The following SCAPER variants were observed in gnomAD, a reference collection of about 807,000 sequenced individuals.
SCAPER encodes the protein S-phase cyclin A associated protein in the ER.
SCAPER carries 98 observed loss-of-function variants against 182.2 expected under a neutral mutation model. The ratio of observed to expected loss-of-function variants is 0.54; its 90% CI spans 0.46 to 0.64. The LOEUF (loss-of-function observed/expected upper bound fraction) is 0.64. Ranked by LOEUF, SCAPER falls within the 30% of genes least tolerant of loss-of-function variation. SCAPER has a pLI of 0.00. For missense variants in SCAPER, 1,432 were observed against 1,690.0 expected (o/e 0.85, Z 2.68); for synonymous variants, 605 against 564.6 (o/e 1.07, Z -1.01).
At chr15:76,508,546 T>A (rs2041778888) in intron 23 of SCAPER, among the ~76,000 whole-genome samples, 1 of 152,218 alleles carries the variant, frequency 6.6e-6, no homozygotes, top group South Asian at 2.1e-4. Flanking sequence ...TTATTCCACA[T>A]TCTCACTCAA....
At position 76,702,013 on chromosome 15, in the gene SCAPER, T is replaced by C. The variant is rs2058979622; in HGVS notation, c.2401-148A>G. 2.1e-5 allele frequency: 11 copies of C among 514,068 alleles called. No homozygotes were observed. In the East Asian group the frequency reaches 3.6e-4, roughly 17 times the overall value. The allele number at this position is 514,068 out of a possible 1,614,324, so 31.8% of individuals were successfully genotyped here. ...AAAAATAGTTTCCTCAGAACATAATTCTGAGAATCCTCTAGAAGGCAAATG... is the reference window on the plus strand; with the variant it reads ...AAAAATAGTTTCCTCAGAACATAATCCTGAGAATCCTCTAGAAGGCAAATG... On this transcript the variant is annotated intron_variant, in intron 19 of 31. Coordinates refer to ENST00000563290, the MANE Select transcript of SCAPER (RefSeq NM_020843.4).
chr15:76,461,469 G>A (rs2049169865), intron 25 of SCAPER, among the ~76,000 whole-genome samples: 2 of 147,562 alleles, frequency 1.4e-5, no homozygotes, highest in East Asian at 2.0e-4. Context: ...TTATTACTTT[G>A]GTTTTTGCCT....
rs1293298101 is a variant in SCAPER, at chr15:76,348,166, T to C, written c.*467A>G. 1 of 152,736 alleles carries C rather than the reference T, an allele frequency of 6.5e-6. No individual in the cohort carries two copies. Among genetic ancestry groups the C allele is most frequent in the Non-Finnish European group, 1.5e-5 (1 of 68,382 alleles). The allele number at this position is 152,736 out of a possible 1,614,324, so 9.5% of individuals were successfully genotyped here. Reference sequence around the variant, plus strand: ...AAAAGTGTTGCAAATATCTTTACCGTAGACCTTAAAAAGTTAAATTTAGAG... The same window carrying C: ...AAAAGTGTTGCAAATATCTTTACCGCAGACCTTAAAAAGTTAAATTTAGAG... On this transcript the variant is annotated 3_prime_UTR_variant, in exon 32 of 32. Transcript: ENST00000563290.
chr15:76,821,088 G>A (rs1272778621), intron 5 of SCAPER, among the ~76,000 whole-genome samples: 2 of 152,128 alleles, frequency 1.3e-5, no homozygotes, highest in African/African-American at 4.8e-5. Context: ...AAAACTAAAC[G>A]TTCTCTTACC....
At chr15:76,879,886 T>C (rs1300227791) in intron 2 of SCAPER, among the ~76,000 whole-genome samples, 1 of 152,212 alleles carries the variant, frequency 6.6e-6, no homozygotes, top group Non-Finnish European at 1.5e-5. Flanking sequence ...ACTTAATGTG[T>C]TTACTCTGTC....
intron 10 of SCAPER, among the ~76,000 whole-genome samples, chr15:76,768,566 T>G (rs1379623960): frequency 6.6e-6 from 1 of 152,158 alleles, no homozygotes; most frequent in African/African-American, 2.4e-5. Flanking sequence ...GGCACTGGGT[T>G]TTCTTTTTAG....
chr15:76,607,806 C>T (rs2145885833), intron 22 of SCAPER, among the ~76,000 whole-genome samples: 1 of 152,300 alleles, frequency 6.6e-6, no homozygotes, highest in African/African-American at 2.4e-5. Context: ...CAGTTGATCG[C>T]ATCGGCTACT....
At chr15:76,804,153 C>T (rs1258524114) in intron 6 of SCAPER, among the ~76,000 whole-genome samples, 4 of 152,188 alleles carry the variant, frequency 2.6e-5, no homozygotes, top group Non-Finnish European at 4.4e-5. Context: ...CCATCCCATC[C>T]ATGAAACACT....
chr15:76,800,699 T>C (rs149003395), intron 6 of SCAPER, among the ~76,000 whole-genome samples: 1 of 152,298 alleles, frequency 6.6e-6, no homozygotes, highest in Non-Finnish European at 1.5e-5. Flanking sequence ...GCTAAAAAAA[T>C]GTTTAAAAGG....
chr15:76,852,679 C>T (rs904911656), intron 4 of SCAPER, among the ~76,000 whole-genome samples: 1 of 152,066 alleles, frequency 6.6e-6, no homozygotes, highest in Non-Finnish European at 1.5e-5. Context: ...TCTCTGGGAT[C>T]CAGCTAAGGC....
chr15:76,828,215 G>A (rs1252840736), intron 5 of SCAPER, among the ~76,000 whole-genome samples: 1 of 150,380 alleles, frequency 6.6e-6, no homozygotes, highest in Admixed American at 6.6e-5. Context: ...GATAAGATTT[G>A]TATATATTTA....
At chr15:76,901,224 C>T (rs962916022) in intron 1 of SCAPER, among the ~76,000 whole-genome samples, 2 of 151,716 alleles carry the variant, frequency 1.3e-5, no homozygotes, top group African/African-American at 2.4e-5. Flanking sequence ...AGCAAGACGC[C>T]GTCTCAAAAG....
intron 26 of SCAPER, among the ~76,000 whole-genome samples, chr15:76,420,893 A>G (rs1002094925): frequency 3.3e-5 from 5 of 152,094 alleles, no homozygotes; most frequent in Non-Finnish European, 5.9e-5. Context: ...TCTTTGCAAT[A>G]GTTTGCTGAG....
chr15:76,455,860 T>C (rs2048693733), intron 25 of SCAPER, among the ~76,000 whole-genome samples: 1 of 152,084 alleles, frequency 6.6e-6, no homozygotes, highest in African/African-American at 2.4e-5. Context: ...GTGTGTGATG[T>C]TCCCCTCCCT....
chr15:76,608,535 C>G (rs1283693364), intron 22 of SCAPER, among the ~76,000 whole-genome samples: 1 of 152,184 alleles, frequency 6.6e-6, no homozygotes, highest in Non-Finnish European at 1.5e-5. Flanking sequence ...CCACTACTCT[C>G]TTTAAAGCTG....
At chr15:76,538,810 T>A (rs567156048) in intron 23 of SCAPER, among the ~76,000 whole-genome samples, 10 of 152,312 alleles carry the variant, frequency 6.6e-5, no homozygotes, top group African/African-American at 2.4e-4. Context: ...TGGCAAATTA[T>A]GATGGGCATA....
chr15:76,437,099 T>C (rs937480120), intron 25 of SCAPER, among the ~76,000 whole-genome samples: 5 of 152,182 alleles, frequency 3.3e-5, no homozygotes, highest in Admixed American at 2.6e-4. Context: ...TGATTGAAAC[T>C]GGTGTCTTCT....
At chr15:76,466,012 T>A (rs924586521) in intron 25 of SCAPER, among the ~76,000 whole-genome samples, 2 of 152,124 alleles carry the variant, frequency 1.3e-5, no homozygotes, top group African/African-American at 4.8e-5. Context: ...TTACTGTCTT[T>A]GAGAGTTTGA....
intron 23 of SCAPER, among the ~76,000 whole-genome samples, chr15:76,569,191 G>A (rs2439993): frequency 0.14 from 20,528 of 151,884 alleles, 1,429 homozygotes; most frequent in African/African-American, 0.17. Context: ...AATTTTTTTG[G>A]TAGATTCAAT....
Sources: gnomAD v4.1 joint callset for allele counts (sites outside exome capture counted in the v4.1 genomes callset) on GRCh38, gnomAD v4.1.1 for gene constraint, MANE v1.5 for transcripts, NCBI Gene and HGNC (gene_info 2026-07-23, HGNC 2026-07-21) for gene names.